The following EAF2 variants were observed in gnomAD, a reference collection of about 807,000 sequenced individuals.
EAF2 encodes the protein ELL associated factor 2, also known as ELL-associated factor 2.
In EAF2, 29 loss-of-function variants were observed where a neutral mutation model predicts 29.4. The observed-to-expected ratio is 0.99, with a 90% CI of 0.73 to 1.35. The LOEUF is 1.35. EAF2 is among the 40% of genes most tolerant of loss of function. The pLI, the probability that EAF2 is intolerant of heterozygous loss-of-function variation, is 0.00. For missense variants in EAF2, 292 were observed against 312.0 expected (o/e 0.94, Z 0.48); for synonymous variants, 103 against 102.5 (o/e 1.00, Z -0.03).
At chr3:121,867,318 A>G (rs1469995981) in intron 4 of EAF2, among the ~76,000 whole-genome samples, 2 of 152,204 alleles carry the variant, frequency 1.3e-5, no homozygotes, top group Non-Finnish European at 2.9e-5. Context: ...AAATAGGATA[A>G]ACCCAAAGAA....
intron 5 of EAF2, among the ~76,000 whole-genome samples, chr3:121,884,488 C>A (rs959695506): frequency 1.3e-4 from 19 of 150,746 alleles, no homozygotes; most frequent in East Asian, 7.9e-4. Flanking sequence ...AGTGCAGTGG[C>A]GTGATCTCGG....
At chr3:121,884,679 C>T (rs538823669) in intron 5 of EAF2, among the ~76,000 whole-genome samples, 18 of 150,410 alleles carry the variant, frequency 1.2e-4, no homozygotes, top group African/African-American at 4.1e-4. Context: ...CCCACCTCAG[C>T]CTCCCGAAGT....
At chr3:121,885,893 CTG>C (rs1482184935) in intron 5 of EAF2, among the ~76,000 whole-genome samples, 2 of 152,122 alleles carry the variant, frequency 1.3e-5, no homozygotes, top group African/African-American at 4.8e-5. Flanking sequence ...AGCTCCATGA[CTG>C]TAAGTACATA....
At chr3:121,871,053 T>C (rs1709002858) in intron 4 of EAF2, among the ~76,000 whole-genome samples, 1 of 152,028 alleles carries the variant, frequency 6.6e-6, no homozygotes, top group Admixed American at 6.6e-5. Context: ...AATGTGTATA[T>C]AAGTTCAAAA....
intron 3 of EAF2, 144 bp downstream of exon 3, chr3:121,854,967 T>C: frequency 1.1e-6 from 1 of 882,100 alleles, no homozygotes; most frequent in Non-Finnish European, 1.6e-6. Context: ...AGTTTAAATT[T>C]GGTGGAGATC....
intron 3 of EAF2, among the ~76,000 whole-genome samples, chr3:121,856,671 G>C (rs966187800): frequency 5.3e-5 from 8 of 152,078 alleles, no homozygotes; most frequent in Admixed American, 3.3e-4. Flanking sequence ...TATACAGACA[G>C]GGTCTCGTTA....
At chr3:121,881,686 A>G (rs964667945) in intron 5 of EAF2, among the ~76,000 whole-genome samples, 3 of 151,288 alleles carry the variant, frequency 2.0e-5, no homozygotes, top group Non-Finnish European at 4.4e-5. Flanking sequence ...ATTTTTTTGT[A>G]TTTTAGTAGA....
chr3:121,854,737 A>T lies in EAF2; in HGVS notation c.252A>T (p.Leu84Phe). 6.4e-7 allele frequency: 1 copy of T among 1,567,532 alleles called. No homozygotes were observed. The highest frequency in any genetic ancestry group is 1.2e-5 in the South Asian group (1 of 81,132). ...TCAAAGGTTCAAAAAAACCTTACTT[A>T]AAAGAATGCATTTTGATTATTAACC... ...TVFKGSKKPY[L>F]KECILIINHD... Residue 84 changes from leucine to phenylalanine, a missense_variant, in exon 3 of 6, where the codon TTA (leucine) becomes TTT (phenylalanine). Coordinates refer to ENST00000273668, the MANE Select transcript of EAF2 (RefSeq NM_018456.6).
intron 4 of EAF2, among the ~76,000 whole-genome samples, chr3:121,868,116 T>C (rs1708955243): frequency 6.6e-6 from 1 of 152,170 alleles, no homozygotes; most frequent in Non-Finnish European, 1.5e-5. Context: ...ACATATATTG[T>C]CTAAATAAGC....
At chr3:121,873,448 C>T (rs1709050489) in intron 5 of EAF2, among the ~76,000 whole-genome samples, 1 of 151,824 alleles carries the variant, frequency 6.6e-6, no homozygotes, top group Admixed American at 6.6e-5. Context: ...TGCTTCTCTG[C>T]ATCTCCACCA....
intron 2 of EAF2, 150 bp downstream of exon 2, chr3:121,844,697 CA>C (rs532990237): frequency 7.2e-5 from 31 of 429,150 alleles, no homozygotes; most frequent in South Asian, 1.8e-4. Context: ...CTACTTTAGG[CA>C]AAAAAAACTT....
At chr3:121,851,560 A>C (rs1216224895) in intron 2 of EAF2, among the ~76,000 whole-genome samples, 1 of 152,206 alleles carries the variant, frequency 6.6e-6, no homozygotes, top group East Asian at 1.9e-4. Flanking sequence ...AATTATAAGC[A>C]ATTCTATGTG....
At chr3:121,844,930 T>C (rs1422379786) in intron 2 of EAF2, among the ~76,000 whole-genome samples, 2 of 152,210 alleles carry the variant, frequency 1.3e-5, no homozygotes, top group Admixed American at 6.5e-5. Context: ...TGAAATTCTA[T>C]GTAACCACAT....
chr3:121,857,049 A>T lies in EAF2; in HGVS notation c.377A>T (p.Gln126Leu). ...GSSKIQYRKE[Q>L]QQQQMWNSAR... ...AGTAAAATTCAGTATCGTAAAGAAC[A>T]ACAGCAACAACAAATGTGGAATTCA... Residue 126 changes from glutamine (Q) to leucine (L), a missense_variant, in exon 4 of 6, where the codon CAA becomes CTA. Gln to Leu is a moderately radical substitution (Grantham distance 113, BLOSUM62 -2). Transcript: ENST00000273668. The T allele has an allele frequency of 6.2e-7, 1 of 1,613,952 alleles. No individual in the cohort carries two copies.
chr3:121,886,085 AAG>A (rs1477808354), intron 5 of EAF2, among the ~76,000 whole-genome samples: 1 of 152,188 alleles, frequency 6.6e-6, no homozygotes, highest in East Asian at 1.9e-4. Flanking sequence ...ATATAAAAAA[AAG>A]AGTGATGGGG....
At chr3:121,859,780 C>T (rs926447098) in intron 4 of EAF2, among the ~76,000 whole-genome samples, 1 of 152,134 alleles carries the variant, frequency 6.6e-6, no homozygotes, top group African/African-American at 2.4e-5. Flanking sequence ...CCAGTTTTTG[C>T]CCATTCAGTA....
chr3:121,864,088 G>C (rs541513244), intron 4 of EAF2, among the ~76,000 whole-genome samples: 2 of 152,236 alleles, frequency 1.3e-5, no homozygotes, highest in East Asian at 1.9e-4. Context: ...TCAGAAGGGA[G>C]GTATTTTTGG....
intron 4 of EAF2, among the ~76,000 whole-genome samples, chr3:121,866,260 A>G (rs1363774025): frequency 1.3e-5 from 2 of 152,158 alleles, no homozygotes; most frequent in African/African-American, 2.4e-5. Flanking sequence ...GACCAAGACA[A>G]TACTGTAAAA....
intron 5 of EAF2, among the ~76,000 whole-genome samples, chr3:121,884,611 G>C (rs1401118179): frequency 6.6e-6 from 1 of 151,812 alleles, no homozygotes; most frequent in Non-Finnish European, 1.5e-5. Flanking sequence ...ATTTTTAGTA[G>C]AGACGGGGTT....
Sources: allele counts gnomAD v4.1 joint callset (sites outside exome capture counted in the v4.1 genomes callset), GRCh38; gene constraint gnomAD v4.1.1; transcripts MANE v1.5; gene names NCBI Gene and HGNC (gene_info 2026-07-23, HGNC 2026-07-21).